Variants in KNG1 observed in about 807,000 individuals in gnomAD.
KNG1 encodes the protein kininogen 1, also known as kininogen-1.
KNG1 carries 23 observed loss-of-function variants against 47.8 expected under a neutral mutation model. That is an observed-to-expected ratio of 0.48 (90% CI 0.35 to 0.68). The LOEUF is 0.68. Ranked by LOEUF, KNG1 falls within the 30% of genes least tolerant of loss-of-function variation. The pLI is 0.01. For synonymous variants in KNG1, 277 were observed against 277.0 expected (o/e 1.00, Z 0.00); for missense variants, 762 against 790.2 (o/e 0.96, Z 0.43).
chr3:186,739,579 A>G (rs1436321932), intron 9 of KNG1, among the ~76,000 whole-genome samples, 165 bp downstream of exon 9: 1 of 152,234 alleles, frequency 6.6e-6, no homozygotes, highest in African/African-American at 2.4e-5. Flanking sequence ...ATGGCTAGAA[A>G]GAAGAGTAAC....
chr3:186,722,414 T>C, intron 2 of KNG1, 23 bp from the exon 3 acceptor site: 1 of 1,576,334 alleles, frequency 6.3e-7, no homozygotes, highest in East Asian at 2.2e-5. Flanking sequence ...TTAAGATAAA[T>C]GATCTCTTTC....
chr3:186,725,693 CGCCACCACACTG>C (rs1560063573), intron 4 of KNG1, among the ~76,000 whole-genome samples: 1 of 146,788 alleles, frequency 6.8e-6, no homozygotes, highest in Non-Finnish European at 1.5e-5. Flanking sequence ...TACAGGCGCC[CGCCACCACACTG>C]GCTAATTTTT....
chr3:186,742,550 C>T lies in KNG1; in HGVS notation c.*219C>T. 7.2e-7 allele frequency: 1 copy of T among 1,387,948 alleles called. No individual in the cohort carries two copies. Among genetic ancestry groups the T allele is most frequent in the East Asian group, 2.8e-5 (1 of 36,116 alleles). The allele number at this position is 1,387,948 out of a possible 1,614,324, so 86.0% of individuals were successfully genotyped here. ...TTCTAACTCTTTTCTGAATCTTCTT[C>T]CCAAGTTTTCTAAACTAGCACAGTA... On this transcript the variant is annotated 3_prime_UTR_variant, in exon 10 of 10. Coordinates refer to ENST00000644859, the MANE Select transcript of KNG1 (RefSeq NM_001102416.3).
At chr3:186,722,072 G>A (rs1026308761) in intron 2 of KNG1, 6 of 177,580 alleles carry the variant, frequency 3.4e-5, no homozygotes, top group Non-Finnish European at 2.2e-5. Flanking sequence ...CCGAGAGATC[G>A]CACTGTTGCA....
At chr3:186,732,700 G>A (rs1720569388) in intron 7 of KNG1, 26 bp downstream of exon 7, 3 of 1,584,104 alleles carry the variant, frequency 1.9e-6, no homozygotes, top group Non-Finnish European at 2.6e-6. Context: ...TACAAAAGCA[G>A]TAACACTATA....
At chr3:186,725,044 G>C (rs1656921) in intron 3 of KNG1, 44 bp from the exon 4 acceptor site, 834,823 of 1,604,022 alleles carry the variant, frequency 0.52, 219,342 homozygotes, top group Admixed American at 0.63. Context: ...TGCGAATGCT[G>C]ATTGCGATCA....
chr3:186,739,268 T>C lies in KNG1; in HGVS notation c.1039-60T>C, dbSNP rs990674555. The C allele has an allele frequency of 3.8e-6, 6 of 1,581,120 alleles. No individual in the cohort carries two copies. In the African/African-American group the frequency reaches 6.7e-5, roughly 18 times the overall value. ...AGCCTATTTGATGTTTTTAGAATCA[T>C]TTGTTTAAATGTCTCGTGAATAACA... On this transcript the variant is annotated intron_variant, in intron 8 of 9. Transcript: ENST00000644859.
chr3:186,722,489 C>T lies in KNG1; in HGVS notation c.359C>T (p.Ser120Phe). The change falls in exon 3 of 10, where the codon TCC becomes TTC. Residue 120 changes from serine to phenylalanine, a missense_variant. Physicochemically the swap from Ser to Phe is radical, Grantham distance 155 (BLOSUM62 -2). Transcript: ENST00000644859. ...TVGKRSSTKF[S>F]VATQTCQITP... The stretch of plus-strand genomic sequence containing the variant: ...GGGAAGAGGAGCAGTACGAAATTCT[C>T]CGTGGCTACCCAGACCTGCCAGATT... 7 of 1,614,032 alleles carry T rather than the reference C, an allele frequency of 4.3e-6. No individual in the cohort carries two copies. The highest frequency in any genetic ancestry group is 5.9e-6 in the Non-Finnish European group (7 of 1,179,932).
In KNG1 at chr3:186,739,136, C is replaced by A; in HGVS notation, c.968C>A (p.Ala323Asp). Residue 323 changes from alanine to aspartate, a missense_variant, in exon 8 of 10, where the codon GCC becomes GAC. Transcript: ENST00000644859. ...AAGAAATATTTTATTGACTTCGTGG[C>A]CAGGGAAACCACATGTTCCAAGGAA... ...AGKKYFIDFVARETTCSKESN... is the reference protein window; with the variant it reads ...AGKKYFIDFVDRETTCSKESN... 1 of 1,614,056 alleles carries A rather than the reference C, an allele frequency of 6.2e-7. No homozygotes were observed. The highest frequency in any genetic ancestry group is 1.1e-5 in the South Asian group (1 of 91,072).
intron 5 of KNG1, 82 bp from the exon 6 acceptor site, chr3:186,731,463 T>G: frequency 1.2e-6 from 1 of 804,206 alleles, no homozygotes; most frequent in East Asian, 2.6e-5. Flanking sequence ...ACACGTCCTA[T>G]TCTTCAATTT....
intron 9 of KNG1, among the ~76,000 whole-genome samples, chr3:186,740,303 C>T (rs1419527642): frequency 6.6e-6 from 1 of 152,186 alleles, no homozygotes; most frequent in East Asian, 1.9e-4. Context: ...AATGCTTCCT[C>T]TGTCCCAGGC....
intron 3 of KNG1, 52 bp downstream of exon 3, chr3:186,722,573 T>A: frequency 7.3e-7 from 1 of 1,375,898 alleles, no homozygotes; most frequent in Non-Finnish European, 1.0e-6. Context: ...ACCATTTCTG[T>A]GAGCCAGGAA....
chr3:186,721,791 C>A lies in KNG1; in HGVS notation c.307-646C>A, dbSNP rs188610788. 505 of 153,958 alleles carry A rather than the reference C, an allele frequency of 3.3e-3. 2 individuals are homozygous for A. Among genetic ancestry groups the A allele is most frequent in the African/African-American group, 0.012 (487 of 41,540 alleles). 9.5% of individuals were successfully genotyped at this position (153,958 alleles called of 1,614,324 possible). On this transcript the variant is annotated intron_variant, in intron 2 of 9. Coordinates refer to ENST00000644859, the MANE Select transcript of KNG1 (RefSeq NM_001102416.3). Reference sequence around the variant, plus strand: ...GAGTGTTTAGCAGGCTGGTTCTAGACCTCTGCGTCCATCTTGGTTAGAAAG... The same window carrying A: ...GAGTGTTTAGCAGGCTGGTTCTAGAACTCTGCGTCCATCTTGGTTAGAAAG...
rs878969175 is a variant in KNG1, at chr3:186,741,641, A to C, written c.1245A>C (p.Glu415Asp). ...PHTSMAPAQD[E>D]ERDSGKEQGH... Reference sequence around the variant, plus strand: ...CTTCCATGGCACCTGCACAAGATGAAGAGCGGGATTCAGGAAAAGAACAAG... The same window carrying C: ...CTTCCATGGCACCTGCACAAGATGACGAGCGGGATTCAGGAAAAGAACAAG... Residue 415 changes from glutamate to aspartate, a missense_variant, in exon 10 of 10, where the codon GAA becomes GAC. Transcript: ENST00000644859. 3 of 1,614,150 alleles carry C rather than the reference A, an allele frequency of 1.9e-6. No individual in the cohort carries two copies. Among genetic ancestry groups the C allele is most frequent in the East Asian group, 4.5e-5 (2 of 44,888 alleles).
chr3:186,717,883 AACCACCACCACCACCCACC>A (rs1720039302), intron 1 of KNG1, 146 bp downstream of exon 1: 1 of 201,442 alleles, frequency 5.0e-6, no homozygotes, highest in Non-Finnish European at 8.5e-6. Context: ...CCACCACCAC[AACCACCACCACCACCCACC>A]ACCACCACCA....
In KNG1 at chr3:186,725,217, C is replaced by CCT; in HGVS notation, c.523_524dup (p.Leu176ProfsTer8). On this transcript the variant is annotated frameshift_variant, in exon 4 of 10. Coordinates refer to ENST00000644859, the MANE Select transcript of KNG1 (RefSeq NM_001102416.3). LOFTEE classifies it high-confidence loss of function. ...TACTTTAACAACAACACTCAACATT[C>CCT]CTCCCTCTTCATGCTTAATGAAGTA... is the stretch of plus-strand genomic sequence containing the variant. 6.2e-7 allele frequency: 1 copy of CCT among 1,614,110 alleles called. No homozygotes were observed. Among genetic ancestry groups the CCT allele is most frequent in the East Asian group, 2.2e-5 (1 of 44,882 alleles).
rs753078630 is a variant in KNG1, at chr3:186,725,113, G to GT, written c.418dup (p.Tyr140LeufsTer29). On this transcript the variant is annotated frameshift_variant, in exon 4 of 10. Coordinates refer to ENST00000644859, the MANE Select transcript of KNG1 (RefSeq NM_001102416.3). LOFTEE classifies it high-confidence loss of function. ...CCGAGGGCCCTGTGGTGACAGCCCA[G>GT]TACGACTGCCTCGGCTGTGTGCATC... is the stretch of plus-strand genomic sequence containing the variant. 6.2e-7 allele frequency: 1 copy of GT among 1,614,136 alleles called. No homozygotes were observed. Among genetic ancestry groups the GT allele is most frequent in the African/African-American group, 1.3e-5 (1 of 75,042 alleles).
chr3:186,727,854 G>C (rs994436348), intron 5 of KNG1, among the ~76,000 whole-genome samples: 2 of 152,186 alleles, frequency 1.3e-5, no homozygotes, highest in Non-Finnish European at 2.9e-5. Flanking sequence ...TTACAGGCAT[G>C]AGCCACCGTG....
intron 7 of KNG1, chr3:186,738,235 C>T (rs1560069154): frequency 6.6e-6 from 1 of 152,140 alleles, no homozygotes; most frequent in Non-Finnish European, 1.5e-5. Flanking sequence ...GCCTCAGCCT[C>T]CCAAAGTGCT....
Sources: gnomAD v4.1 joint callset for allele counts (sites outside exome capture counted in the v4.1 genomes callset) on GRCh38, gnomAD v4.1.1 for gene constraint, MANE v1.5 for transcripts, NCBI Gene and HGNC (gene_info 2026-07-23, HGNC 2026-07-21) for gene names.